Variants in RPH3AL observed in about 807,000 individuals in gnomAD.
RPH3AL encodes the protein rabphilin 3A like (without C2 domains), also known as rab effector Noc2.
In RPH3AL, 38 loss-of-function variants were observed where a neutral mutation model predicts 43.1. The ratio of observed to expected loss-of-function variants is 0.88; its 90% confidence interval spans 0.68 to 1.15. The LOEUF (loss-of-function observed/expected upper bound fraction) is 1.15. Ranked by LOEUF, RPH3AL falls within the 50% of genes most tolerant of loss-of-function variation. The pLI is 0.00. For synonymous variants in RPH3AL, 189 were observed against 176.3 expected (o/e 1.07, Z -0.57); for missense variants, 462 against 423.2 (o/e 1.09, Z -0.81).
At chr17:259,508 CG>C (rs1392529917) in intron 6 of RPH3AL, among the ~76,000 whole-genome samples, 1 of 152,138 alleles carries the variant, frequency 6.6e-6, no homozygotes, top group African/African-American at 2.4e-5. Context: ...TACCCCTCCC[CG>C]CCCAGGAATA....
At chr17:275,822 C>T (rs1421146216) in intron 6 of RPH3AL, among the ~76,000 whole-genome samples, 1 of 152,242 alleles carries the variant, frequency 6.6e-6, no homozygotes, top group Non-Finnish European at 1.5e-5. Flanking sequence ...GCTGGGATTA[C>T]AGGTGTGAGC....
chr17:281,227 G>A (rs966808325), intron 6 of RPH3AL, among the ~76,000 whole-genome samples: 1 of 152,100 alleles, frequency 6.6e-6, no homozygotes, highest in Non-Finnish European at 1.5e-5. Context: ...GCAGACAACG[G>A]CTGAGTTTGG....
At chr17:337,282 G>C (rs1334876938) in intron 1 of RPH3AL, among the ~76,000 whole-genome samples, 1 of 151,968 alleles carries the variant, frequency 6.6e-6, no homozygotes, top group African/African-American at 2.4e-5. Flanking sequence ...TAATTTTTTG[G>C]TAAAGACAGG....
At chr17:337,603 G>GCA (rs1019378802) in intron 1 of RPH3AL, among the ~76,000 whole-genome samples, 1 of 152,196 alleles carries the variant, frequency 6.6e-6, no homozygotes, top group Non-Finnish European at 1.5e-5. Flanking sequence ...CGTCCAGGAG[G>GCA]CACCCCAACT....
intron 5 of RPH3AL, among the ~76,000 whole-genome samples, chr17:310,922 C>G (rs2043629340): frequency 6.6e-6 from 1 of 152,146 alleles, no homozygotes; most frequent in African/African-American, 2.4e-5. Context: ...AGCAGGGCCC[C>G]CAGGGGGGCA....
intron 5 of RPH3AL, among the ~76,000 whole-genome samples, chr17:299,375 G>A (rs950969666): frequency 6.8e-6 from 1 of 147,140 alleles, no homozygotes; most frequent in African/African-American, 2.5e-5. Context: ...ACGGAAGGCA[G>A]GACAAAGGTA....
chr17:332,669 T>C (rs890652514), intron 2 of RPH3AL: 12 of 230,680 alleles, frequency 5.2e-5, no homozygotes, highest in African/African-American at 2.0e-4. Flanking sequence ...TGCGACTTGC[T>C]GACTCACAGG....
At chr17:285,628 C>T (rs771552977) in intron 5 of RPH3AL, among the ~76,000 whole-genome samples, 5 of 152,230 alleles carry the variant, frequency 3.3e-5, no homozygotes, top group Non-Finnish European at 7.3e-5. Flanking sequence ...TGAGGTCACA[C>T]TGACCCCATT....
At chr17:217,244 A>G (rs1403792232) in intron 8 of RPH3AL, among the ~76,000 whole-genome samples, 2 of 133,744 alleles carry the variant, frequency 1.5e-5, no homozygotes, top group African/African-American at 2.9e-5. Flanking sequence ...GGCAGTTATT[A>G]TGGAGCCCTT....
intron 1 of RPH3AL, among the ~76,000 whole-genome samples, chr17:336,810 T>C (rs1225939234): frequency 2.6e-5 from 4 of 152,158 alleles, no homozygotes; most frequent in African/African-American, 7.2e-5. Flanking sequence ...CCTTGAGGCA[T>C]TGCAGCCGCC....
At chr17:222,696 T>C (rs12450662) in intron 7 of RPH3AL, among the ~76,000 whole-genome samples, 61,000 of 152,042 alleles carry the variant, frequency 0.4, 13,136 homozygotes, top group African/African-American at 0.54. Flanking sequence ...GCCCACACAG[T>C]CTCTCAGGTA....
intron 3 of RPH3AL, among the ~76,000 whole-genome samples, chr17:325,447 C>T (rs1260854272): frequency 1.3e-5 from 2 of 152,130 alleles, no homozygotes; most frequent in Non-Finnish European, 2.9e-5. Context: ...TGACCTCCGG[C>T]CAGGGCCTCC....
chr17:218,165 G>C (rs916844602), intron 8 of RPH3AL, among the ~76,000 whole-genome samples: 1 of 148,312 alleles, frequency 6.7e-6, no homozygotes, highest in Non-Finnish European at 1.5e-5. Flanking sequence ...ATTCCCATCT[G>C]GGGCAGTTAT....
At chr17:298,630 G>A (rs550489219) in intron 5 of RPH3AL, among the ~76,000 whole-genome samples, 19 of 152,152 alleles carry the variant, frequency 1.2e-4, no homozygotes, top group South Asian at 4.1e-4. Flanking sequence ...ACTTGAACCC[G>A]GGAGGCGGAG....
At chr17:258,500 A>C (rs1360927469) in intron 6 of RPH3AL, among the ~76,000 whole-genome samples, 2 of 152,108 alleles carry the variant, frequency 1.3e-5, no homozygotes, top group African/African-American at 4.8e-5. Flanking sequence ...GCTGGTGGGG[A>C]GGAAAGCGCA....
intron 5 of RPH3AL, among the ~76,000 whole-genome samples, chr17:302,204 G>A (rs571089927): frequency 1.3e-5 from 2 of 152,360 alleles, no homozygotes; most frequent in African/African-American, 2.4e-5. Flanking sequence ...AGCTGCCTGG[G>A]AGGAAACCGC....
At chr17:327,291 A>G (rs2044641563) in intron 3 of RPH3AL, among the ~76,000 whole-genome samples, 176 bp downstream of exon 3, 2 of 152,332 alleles carry the variant, frequency 1.3e-5, no homozygotes, top group South Asian at 4.1e-4. Flanking sequence ...TAAATTCTGC[A>G]TGGTAGTTAA....
At chr17:305,290 G>A (rs936723478) in intron 5 of RPH3AL, among the ~76,000 whole-genome samples, 2 of 151,934 alleles carry the variant, frequency 1.3e-5, no homozygotes, top group African/African-American at 4.8e-5. Flanking sequence ...GCCAAGCTGA[G>A]GCAACGTCGA....
At chr17:332,981 T>C (rs1353769944) in intron 2 of RPH3AL, 2 of 1,275,932 alleles carry the variant, frequency 1.6e-6, no homozygotes, top group Admixed American at 2.3e-5. Flanking sequence ...TCCCGAAAAA[T>C]TCCTAGGGGA....
Sources: allele counts gnomAD v4.1 joint callset (sites outside exome capture counted in the v4.1 genomes callset), GRCh38; gene constraint gnomAD v4.1.1; transcripts MANE v1.5; gene names NCBI Gene and HGNC (gene_info 2026-07-23, HGNC 2026-07-21).